The following MMP16 variants were observed in gnomAD, a reference collection of about 807,000 sequenced individuals.
MMP16 encodes the protein matrix metallopeptidase 16.
A neutral mutation model predicts 67.8 loss-of-function variants in MMP16; 12 were observed. The ratio of observed to expected loss-of-function variants is 0.18; its 90% CI spans 0.11 to 0.29. The LOEUF is 0.29. MMP16 is among the 10% of genes least tolerant of loss of function. The probability of loss-of-function intolerance (pLI) is 1.00; values close to 1 mark genes in which losing one functional copy is unlikely to be tolerated. For synonymous variants in MMP16, 249 were observed against 255.9 expected, an observed-to-expected ratio of 0.97 and a Z score of 0.26; for missense variants, 475 against 765.7, an observed-to-expected ratio of 0.62 and a Z score of 4.48.
chr8:88,238,378 C>A (rs914295423), intron 1 of MMP16, among the ~76,000 whole-genome samples: 1 of 151,940 alleles, frequency 6.6e-6, no homozygotes, highest in African/African-American at 2.4e-5. Flanking sequence ...CCGGGTGCAG[C>A]CGGGCCCAGT....
rs768109261 is a variant in MMP16, at chr8:88,116,611, G to A, written c.979C>T (p.Arg327Trp). The A allele has an allele frequency of 1.2e-6, 2 of 1,613,870 alleles. No individual in the cohort carries two copies. The highest frequency in any genetic ancestry group is 8.5e-7 in the Non-Finnish European group (1 of 1,179,892). The change falls in exon 6 of 10, where the codon CGG becomes TGG. Residue 327 changes from arginine (R) to tryptophan (W), a missense_variant. This residue lies in a region of MMP16 where 195 missense variants were observed against 300.9 expected (regional missense o/e 0.65). Coordinates refer to ENST00000286614, the MANE Select transcript of MMP16 (RefSeq NM_005941.5). ...PRKNDRPKPP[R>W]PPTGRPSYPG... ...TAGGAGGGTCTGCCGGTTGGAGGCC[G>A]AGGAGGTTTTGGCCTGTCATTTTTC... is the stretch of plus-strand genomic sequence containing the variant.
rs1810050661 is a variant in MMP16, at chr8:88,242,613, C to T, written c.133-45307G>A. On this transcript the variant is annotated intron_variant, in intron 1 of 9. Transcript: ENST00000286614. ...CACTGTCATTGAGTCATCCAAGTAA[C>T]TTACACTGAGTCACAGTAAACACCC... Among the ~76,000 whole-genome samples, 3 of 152,298 alleles carry T rather than the reference C, an allele frequency of 2.0e-5. No homozygotes were observed. The South Asian group carries it at 6.2e-4, about 32-fold the overall frequency.
intron 3 of MMP16, among the ~76,000 whole-genome samples, chr8:88,179,704 T>C (rs1031191947): frequency 9.9e-5 from 15 of 152,180 alleles, no homozygotes; most frequent in African/African-American, 3.6e-4. Flanking sequence ...TTAGAAACTC[T>C]GTTATATCTG....
chr8:88,164,503 C>T (rs1784968378), intron 4 of MMP16, among the ~76,000 whole-genome samples: 1 of 152,078 alleles, frequency 6.6e-6, no homozygotes, highest in Admixed American at 6.6e-5. Flanking sequence ...ACTACTCTAG[C>T]TGCCCTGCTG....
chr8:88,058,816 G>C lies in MMP16; in HGVS notation c.1223-2538C>G, dbSNP rs1243747979. ...GTTGAACTTTATTCTAAATGAAATA[G>C]GAAGTCATTGAACAGTTAAATCAAA... On this transcript the variant is annotated intron_variant, in intron 7 of 9. Transcript: ENST00000286614. The surrounding 1 kb of genome is among the most constrained non-coding windows in gnomAD (Gnocchi z 4.2). Among the ~76,000 whole-genome samples, 1 of 152,070 alleles carries C rather than the reference G, an allele frequency of 6.6e-6. No homozygotes were observed. The highest frequency in any genetic ancestry group is 1.5e-5 in the Non-Finnish European group (1 of 67,980).
chr8:88,149,103 C>A (rs946673219), intron 4 of MMP16, among the ~76,000 whole-genome samples: 1 of 152,174 alleles, frequency 6.6e-6, no homozygotes, highest in African/African-American at 2.4e-5. Context: ...GGGTGACGGA[C>A]GCACCTGGAA....
At position 88,087,032 on chromosome 8, in the gene MMP16, C is replaced by T. The variant is rs1417810317; in HGVS notation, c.1084-12289G>A. Among the ~76,000 whole-genome samples, 3 of 151,810 alleles carry T rather than the reference C, an allele frequency of 2.0e-5. No individual in the cohort carries two copies. The East Asian group carries it at 5.8e-4, about 29-fold the overall frequency. ...GGCCAGGAATTTAGGAAAACTTGGT[C>T]AATATTCTGTTTAGGTGTCTTCACA... On this transcript the variant is annotated intron_variant, in intron 6 of 9. Transcript: ENST00000286614.
chr8:88,220,924 T>C (rs1424728275), intron 1 of MMP16, among the ~76,000 whole-genome samples: 1 of 152,110 alleles, frequency 6.6e-6, no homozygotes, highest in Non-Finnish European at 1.5e-5. Flanking sequence ...AGAAAATAAA[T>C]AAATCCACAA....
At chr8:88,242,518 C>G (rs1810049695) in intron 1 of MMP16, among the ~76,000 whole-genome samples, 1 of 152,116 alleles carries the variant, frequency 6.6e-6, no homozygotes, top group Non-Finnish European at 1.5e-5. Flanking sequence ...AAGTGTGGCT[C>G]AGAAAACTGG....
At chr8:88,247,385 A>C (rs1810130006) in intron 1 of MMP16, among the ~76,000 whole-genome samples, 1 of 152,096 alleles carries the variant, frequency 6.6e-6, no homozygotes, top group African/African-American at 2.4e-5. Flanking sequence ...TCATTATATT[A>C]GTTTTCAGAA....
At chr8:88,115,735 C>T (rs951728627) in intron 6 of MMP16, among the ~76,000 whole-genome samples, 1 of 151,924 alleles carries the variant, frequency 6.6e-6, no homozygotes, top group Non-Finnish European at 1.5e-5. Flanking sequence ...CTACTGCCAA[C>T]ATACAAACTT....
intron 1 of MMP16, among the ~76,000 whole-genome samples, chr8:88,255,538 AG>A (rs1428398630): frequency 6.6e-6 from 1 of 152,214 alleles, no homozygotes; most frequent in African/African-American, 2.4e-5. Context: ...AGCTTCTTAT[AG>A]ATCCAGTGAT....
chr8:88,130,575 A>G (rs1383697013), intron 4 of MMP16, among the ~76,000 whole-genome samples: 2 of 151,794 alleles, frequency 1.3e-5, no homozygotes, highest in African/African-American at 4.8e-5. Context: ...GTGTAGGTGC[A>G]GCAAAATATC....
intron 1 of MMP16, among the ~76,000 whole-genome samples, chr8:88,296,941 T>A (rs1196130103): frequency 6.6e-6 from 1 of 151,468 alleles, no homozygotes; most frequent in Non-Finnish European, 1.5e-5. Context: ...AATAATTAAA[T>A]AATAAAAAAA....
intron 1 of MMP16, among the ~76,000 whole-genome samples, chr8:88,201,648 T>C (rs559186226): frequency 4.5e-4 from 69 of 152,284 alleles, no homozygotes; most frequent in Non-Finnish European, 9.4e-4. Context: ...ATTAACTGAC[T>C]TTCTCAGATG....
intron 6 of MMP16, among the ~76,000 whole-genome samples, chr8:88,085,557 A>G (rs1808820417): frequency 6.6e-6 from 1 of 152,026 alleles, no homozygotes; most frequent in Non-Finnish European, 1.5e-5. Flanking sequence ...GTATTTTTGA[A>G]AAATGCTCAA....
At chr8:88,283,569 C>T (rs1287883105) in intron 1 of MMP16, among the ~76,000 whole-genome samples, 2 of 152,100 alleles carry the variant, frequency 1.3e-5, no homozygotes, top group Non-Finnish European at 2.9e-5. Context: ...GGCACCTCCC[C>T]ACTCTCTCTA....
At chr8:88,227,318 T>C (rs983726484) in intron 1 of MMP16, among the ~76,000 whole-genome samples, 8 of 152,104 alleles carry the variant, frequency 5.3e-5, no homozygotes, top group South Asian at 2.1e-4. Flanking sequence ...TAATGGTGAA[T>C]GCTCATTACA....
At chr8:88,199,899 T>C (rs1270525936) in intron 1 of MMP16, among the ~76,000 whole-genome samples, 1 of 152,004 alleles carries the variant, frequency 6.6e-6, no homozygotes, top group Non-Finnish European at 1.5e-5. Context: ...TAATGTCTTT[T>C]CAATGTTCTC....
Sources: gnomAD v4.1 joint callset for allele counts (sites outside exome capture counted in the v4.1 genomes callset) on GRCh38, gnomAD v4.1.1 for gene constraint, gnomAD v4.1.1 regional missense constraint, Gnocchi (gnomAD v3.1) non-coding constraint, MANE v1.5 for transcripts, NCBI Gene and HGNC (gene_info 2026-07-23, HGNC 2026-07-21) for gene names.